The following CACNA1B variants were observed in gnomAD, a reference collection of about 807,000 sequenced individuals.
The protein encoded by CACNA1B is voltage-dependent N-type calcium channel subunit alpha-1B.
A neutral mutation model predicts 247.2 loss-of-function variants in CACNA1B; 70 were observed. The ratio of observed to expected loss-of-function variants is 0.28; its 90% CI spans 0.23 to 0.35. The LOEUF is 0.35. CACNA1B is among the 10% of genes least tolerant of loss of function. The probability of loss-of-function intolerance (pLI) is 1.00; values close to 1 mark genes in which losing one functional copy is unlikely to be tolerated. For synonymous variants in CACNA1B, 1,231 were observed against 1,294.4 expected (o/e 0.95, Z 1.05); for missense variants, 2,367 against 3,197.4 (o/e 0.74, Z 6.26).
chr9:138,096,760 C>G, intron 37 of CACNA1B, 149 bp downstream of exon 37: 1 of 631,796 alleles, frequency 1.6e-6, no homozygotes, highest in East Asian at 2.9e-5. Flanking sequence ...TCGTGTAGAG[C>G]AGCAGTGATG....
chr9:138,038,425 C>G (rs979489934), intron 20 of CACNA1B, among the ~76,000 whole-genome samples: 2 of 152,176 alleles, frequency 1.3e-5, no homozygotes, highest in African/African-American at 2.4e-5. Flanking sequence ...TGGATTCCAC[C>G]CCCCCACCCC....
intron 18 of CACNA1B, among the ~76,000 whole-genome samples, chr9:138,015,495 C>T (rs1239763735): frequency 6.8e-6 from 1 of 147,212 alleles, no homozygotes; most frequent in Non-Finnish European, 1.5e-5. Flanking sequence ...GCGCTGCCTC[C>T]TGCCCTGCTC....
intron 3 of CACNA1B, among the ~76,000 whole-genome samples, chr9:137,895,874 G>A (rs561282851): frequency 1.3e-5 from 2 of 152,282 alleles, no homozygotes; most frequent in Admixed American, 1.3e-4. Context: ...GTTGAAGAGT[G>A]GTGTGGCGAG....
chr9:138,059,228 A>G lies in CACNA1B; in HGVS notation c.4584+39A>G, dbSNP rs1364047488. On this transcript the variant is annotated intron_variant, in intron 30 of 46. Coordinates refer to ENST00000371372, the MANE Select transcript of CACNA1B (RefSeq NM_000718.4). This position sits in a 1 kb window ranked among gnomAD's most constrained non-coding sequence, Gnocchi z 4.2. ...TCCCTGCTTTGCCTTTTGACAACCT[A>G]TATTCTGGTTCCCCATCTGTAGGGC... 2 of 1,255,786 alleles carry G rather than the reference A, an allele frequency of 1.6e-6. No homozygotes were observed. Among genetic ancestry groups the G allele is most frequent in the East Asian group, 2.4e-5 (1 of 42,526 alleles). The allele number at this position is 1,255,786 out of a possible 1,614,324, so 77.8% of individuals were successfully genotyped here.
intron 10 of CACNA1B, among the ~76,000 whole-genome samples, chr9:137,969,395 T>C (rs575361422): frequency 1.3e-5 from 2 of 152,224 alleles, no homozygotes; most frequent in African/African-American, 2.4e-5. Context: ...TCTTGTGTTG[T>C]GTGCACAGGA....
Position 138,054,279 on chromosome 9 carries a change from C to A in CACNA1B, c.3968+273C>A, listed in dbSNP as rs546571490. On this transcript the variant is annotated intron_variant, in intron 26 of 46. Transcript: ENST00000371372. This position sits in a 1 kb window ranked among gnomAD's most constrained non-coding sequence, Gnocchi z 4.6. The stretch of plus-strand genomic sequence containing the variant: ...GGAACCAGGCATGTTCTGAGGGACA[C>A]AGACATCCAGGGAGCTCAAGGTGCC... 2.4e-4 allele frequency among the ~76,000 whole-genome samples: 36 copies of A among 152,368 alleles called. 1 individual carries two copies. In the South Asian group the frequency reaches 7.5e-3, roughly 32 times the overall value.
In CACNA1B at chr9:138,015,948, ATATAGG is replaced by A. The variant is rs1259370158; in HGVS notation, c.2267+2714_2267+2719del. Among the ~76,000 whole-genome samples the A allele has an allele frequency of 2.0e-4, 30 of 152,198 alleles. No individual in the cohort carries two copies. The Middle Eastern group carries it at 0.01, about 52-fold the overall frequency. The stretch of plus-strand genomic sequence containing the variant: ...CACACACACACATACTCACAAATAC[ATATAGG>A]CAAGCACACACACAGGCACACAGAC... On this transcript the variant is annotated intron_variant, in intron 18 of 46. Transcript: ENST00000371372.
At chr9:138,082,796 A>G (rs985643796) in intron 36 of CACNA1B, among the ~76,000 whole-genome samples, 5 of 151,276 alleles carry the variant, frequency 3.3e-5, no homozygotes, top group Non-Finnish European at 7.3e-5. Flanking sequence ...AGAACAATGA[A>G]CAAAAAATTA....
At chr9:137,949,084 T>TG (rs1444340206) in intron 6 of CACNA1B, among the ~76,000 whole-genome samples, 4 of 20,736 alleles carry the variant, frequency 1.9e-4, no homozygotes, top group East Asian at 1.3e-3. Context: ...GTGTGGTGTG[T>TG]GTGTGGTGTG....
intron 3 of CACNA1B, among the ~76,000 whole-genome samples, chr9:137,887,929 C>G (rs1427308040): frequency 1.4e-5 from 2 of 144,508 alleles, no homozygotes; most frequent in African/African-American, 5.2e-5. Flanking sequence ...GCAGGGCAGT[C>G]GGGGTGTAGT....
chr9:138,117,891 TAAGGC>T (rs1961927186), intron 42 of CACNA1B, 50 bp from the exon 43 acceptor site: 1 of 1,436,394 alleles, frequency 7.0e-7, no homozygotes, highest in South Asian at 1.5e-5. Context: ...AGGCTATTGG[TAAGGC>T]ACCTGCAGTC....
In CACNA1B at chr9:138,020,922, C is replaced by T. The variant is rs1958837418; in HGVS notation, c.2268-2089C>T. 6.6e-6 allele frequency among the ~76,000 whole-genome samples: 1 copy of T among 152,204 alleles called. No individual in the cohort carries two copies. The highest frequency in any genetic ancestry group is 1.5e-5 in the Non-Finnish European group (1 of 68,040). ...GTTCCCCATGGTCCTCACTGCCTGT[C>T]TTTTTGGAACTGCAATGCTGGTCCC... On this transcript the variant is annotated intron_variant, in intron 18 of 46. Coordinates refer to ENST00000371372, the MANE Select transcript of CACNA1B (RefSeq NM_000718.4). This position sits in a 1 kb window ranked among gnomAD's most constrained non-coding sequence, Gnocchi z 4.1.
In CACNA1B at chr9:137,950,361, C is replaced by T. The variant is rs527935982; in HGVS notation, c.967-1913C>T. On this transcript the variant is annotated intron_variant, in intron 6 of 46. Transcript: ENST00000371372. The surrounding 1 kb of genome is among the most constrained non-coding windows in gnomAD (Gnocchi z 4.8). ...GATAGCTCCCTAGCTGCAGGGGGTG[C>T]CCCTACTGCCTGTGTAAATGGAAGT... 1.4e-3 allele frequency among the ~76,000 whole-genome samples: 206 copies of T among 152,330 alleles called. 2 individuals are homozygous for T. The highest frequency in any genetic ancestry group is 6.5e-4 in the Non-Finnish European group (44 of 68,032).
At chr9:138,091,633 T>C (rs1196464358) in intron 36 of CACNA1B, among the ~76,000 whole-genome samples, 3 of 152,212 alleles carry the variant, frequency 2.0e-5, no homozygotes, top group Non-Finnish European at 4.4e-5. Flanking sequence ...TACACATTTG[T>C]ATACATGTAT....
intron 16 of CACNA1B, among the ~76,000 whole-genome samples, chr9:138,009,670 G>A (rs1177227608): frequency 1.3e-5 from 2 of 152,242 alleles, no homozygotes; most frequent in Non-Finnish European, 2.9e-5. Flanking sequence ...AGGAGGCAGA[G>A]GCAGATGGCT....
intron 41 of CACNA1B, among the ~76,000 whole-genome samples, 187 bp downstream of exon 41, chr9:138,114,677 T>C (rs1961793331): frequency 6.6e-6 from 1 of 152,148 alleles, no homozygotes; most frequent in Non-Finnish European, 1.5e-5. Context: ...CCTTTATGCT[T>C]TCCATGAGCT....
At chr9:138,013,814 C>A (rs754457121) in intron 18 of CACNA1B, among the ~76,000 whole-genome samples, 5 of 152,238 alleles carry the variant, frequency 3.3e-5, no homozygotes, top group Non-Finnish European at 7.3e-5. Context: ...CTGCACTGAG[C>A]CGAGCTGTGG....
At chr9:137,991,723 T>C (rs901766020) in intron 15 of CACNA1B, among the ~76,000 whole-genome samples, 1 of 152,184 alleles carries the variant, frequency 6.6e-6, no homozygotes, top group Non-Finnish European at 1.5e-5. Flanking sequence ...CCTATCAGAT[T>C]AACAGAAGAT....
Position 138,119,306 on chromosome 9 carries a change from A to G in CACNA1B, c.6030+538A>G, listed in dbSNP as rs555980168. On this transcript the variant is annotated intron_variant, in intron 44 of 46. Transcript: ENST00000371372. The stretch of plus-strand genomic sequence containing the variant: ...TTCAGGAAGAGGAAGCTCTGGCCCC[A>G]TGTGTTTCCCGGGGGAGGCTCCTTC... Among the ~76,000 whole-genome samples, 36 of 152,094 alleles carry G rather than the reference A, an allele frequency of 2.4e-4. 1 individual carries two copies. The South Asian group carries it at 7.5e-3, about 32-fold the overall frequency.
Sources: allele counts gnomAD v4.1 joint callset (sites outside exome capture counted in the v4.1 genomes callset), GRCh38; gene constraint gnomAD v4.1.1; non-coding constraint Gnocchi (gnomAD v3.1); transcripts MANE v1.5; gene names NCBI Gene and HGNC (gene_info 2026-07-23, HGNC 2026-07-21).